Variants in ASH1L observed in about 807,000 individuals in gnomAD.
ASH1L encodes ASH1 like histone lysine methyltransferase, also known as histone-lysine N-methyltransferase ASH1L.
In ASH1L, 23 loss-of-function variants were observed where a neutral mutation model predicts 269.0. The observed-to-expected ratio is 0.09, with a 90% CI of 0.06 to 0.12. The LOEUF (loss-of-function observed/expected upper bound fraction) is 0.12. ASH1L is among the 10% of genes least tolerant of loss of function. ASH1L has a pLI of 1.00. For missense variants in ASH1L, 2,912 were observed against 3,567.8 expected (o/e 0.82, Z 4.68); for synonymous variants, 1,187 against 1,253.5 (o/e 0.95, Z 1.12).
chr1:155,443,515 T>C (rs982330092), intron 4 of ASH1L, among the ~76,000 whole-genome samples: 3 of 152,228 alleles, frequency 2.0e-5, no homozygotes, highest in Non-Finnish European at 4.4e-5. Context: ...AAATTTACCA[T>C]GTAGCCATCA....
intron 5 of ASH1L, among the ~76,000 whole-genome samples, chr1:155,420,829 G>A (rs1238899110): frequency 7.2e-6 from 1 of 138,638 alleles, no homozygotes; most frequent in Non-Finnish European, 1.5e-5. Flanking sequence ...TAGCCTAGGT[G>A]ACAGAGCAAG....
intron 6 of ASH1L, among the ~76,000 whole-genome samples, chr1:155,400,962 C>T (rs1658786560): frequency 6.6e-6 from 1 of 151,524 alleles, no homozygotes; most frequent in Non-Finnish European, 1.5e-5. Context: ...GAGTTTGAGA[C>T]CAGCCTTGGC....
At chr1:155,392,984 A>T (rs1286951912) in intron 7 of ASH1L, among the ~76,000 whole-genome samples, 2 of 152,036 alleles carry the variant, frequency 1.3e-5, no homozygotes, top group Admixed American at 6.6e-5. Flanking sequence ...CACCGCGTCC[A>T]GCCTTGTTCT....
intron 25 of ASH1L, 126 bp downstream of exon 25, chr1:155,341,810 T>C: frequency 1.1e-6 from 1 of 925,760 alleles, no homozygotes; most frequent in Non-Finnish European, 1.7e-6. Context: ...GAGACAGAGA[T>C]ATCCATAGTT....
At chr1:155,458,402 G>A (rs966118143) in intron 4 of ASH1L, among the ~76,000 whole-genome samples, 1 of 152,080 alleles carries the variant, frequency 6.6e-6, no homozygotes, top group Non-Finnish European at 1.5e-5. Context: ...TCTCTACTAC[G>A]TTTCCAGCCT....
chr1:155,547,000 T>C (rs1268768747), intron 1 of ASH1L, among the ~76,000 whole-genome samples: 1 of 121,182 alleles, frequency 8.3e-6, no homozygotes, highest in Non-Finnish European at 1.6e-5. Flanking sequence ...GTCACCAGGG[T>C]GGAGTGTAGT....
At chr1:155,400,760 G>C (rs1482801099) in intron 6 of ASH1L, among the ~76,000 whole-genome samples, 1 of 152,126 alleles carries the variant, frequency 6.6e-6, no homozygotes, top group East Asian at 1.9e-4. Context: ...TTCTGGAACA[G>C]ATTTATTTTG....
intron 1 of ASH1L, among the ~76,000 whole-genome samples, chr1:155,559,217 T>C (rs1044962139): frequency 2.0e-5 from 3 of 152,176 alleles, no homozygotes; most frequent in Non-Finnish European, 4.4e-5. Flanking sequence ...TTTGCCTTCT[T>C]CTCAAACCAA....
intron 16 of ASH1L, among the ~76,000 whole-genome samples, 162 bp downstream of exon 16, chr1:155,354,311 C>T (rs562950747): frequency 6.4e-4 from 98 of 152,202 alleles, no homozygotes; most frequent in Admixed American, 1.7e-3. Flanking sequence ...GGCATGGTGG[C>T]GGGCGCCTGT....
chr1:155,367,087 AG>A (rs1275739698), intron 12 of ASH1L, among the ~76,000 whole-genome samples: 1 of 138,022 alleles, frequency 7.2e-6, no homozygotes, highest in Non-Finnish European at 1.5e-5. Context: ...TCCGCCTCCC[AG>A]GTTCAAGTGA....
At chr1:155,473,760 A>C (rs1203958321) in intron 3 of ASH1L, among the ~76,000 whole-genome samples, 1 of 152,092 alleles carries the variant, frequency 6.6e-6, no homozygotes, top group African/African-American at 2.4e-5. Context: ...CTCACCTCTC[A>C]AAGTGTTGAG....
chr1:155,523,192 C>A (rs1025614108), intron 1 of ASH1L, among the ~76,000 whole-genome samples: 1 of 152,084 alleles, frequency 6.6e-6, no homozygotes, highest in Non-Finnish European at 1.5e-5. Context: ...CTTTTCATTA[C>A]AACAAGAGAG....
At chr1:155,561,948 G>A (rs1672002267) in intron 1 of ASH1L, 4 of 498,900 alleles carry the variant, frequency 8.0e-6, no homozygotes, top group Admixed American at 7.2e-5. Flanking sequence ...CCGGGAGTCT[G>A]CCTGTCAGGG....
rs1652298086 is a variant in ASH1L, at chr1:155,336,204, G to C, written c.*1456C>G. ...TTTAATGGAATGGAAGGTGGTCAAT[G>C]TGTCTACCTAAACGAGTCAGAGCAT... On this transcript the variant is annotated 3_prime_UTR_variant, in exon 28 of 28. Coordinates refer to ENST00000392403, the MANE Select transcript of ASH1L (RefSeq NM_018489.3). 1 of 152,620 alleles carries C rather than the reference G, an allele frequency of 6.6e-6. No individual in the cohort carries two copies. The highest frequency in any genetic ancestry group is 6.6e-5 in the Admixed American group (1 of 15,264). The allele number at this position is 152,620 out of a possible 1,614,324, so 9.5% of individuals were successfully genotyped here.
chr1:155,433,620 A>G, intron 5 of ASH1L: 3 of 1,609,212 alleles, frequency 1.9e-6, no homozygotes, highest in Non-Finnish European at 2.5e-6. Flanking sequence ...AAAGAACTCG[A>G]ACAATTTGCC....
intron 2 of ASH1L, among the ~76,000 whole-genome samples, chr1:155,496,874 G>A (rs567832798): frequency 1.4e-4 from 22 of 151,766 alleles, no homozygotes; most frequent in Non-Finnish European, 2.4e-4. Context: ...TCAAACTCCC[G>A]GGCTCGGGCA....
chr1:155,511,682 T>C (rs1668170662), intron 2 of ASH1L, among the ~76,000 whole-genome samples: 1 of 152,140 alleles, frequency 6.6e-6, no homozygotes, highest in Non-Finnish European at 1.5e-5. Flanking sequence ...ATTTCTGTAT[T>C]TTTAGTAGAG....
chr1:155,537,741 ATT>A (rs879413851), intron 1 of ASH1L, among the ~76,000 whole-genome samples: 3,359 of 148,324 alleles, frequency 0.023, 126 homozygotes, highest in African/African-American at 0.079. Flanking sequence ...TGACAGCATG[ATT>A]TTTTTTTTTT....
chr1:155,346,898 A>C (rs1295518741), intron 20 of ASH1L, among the ~76,000 whole-genome samples: 1 of 152,228 alleles, frequency 6.6e-6, no homozygotes, highest in Non-Finnish European at 1.5e-5. Flanking sequence ...ATGCATTCAC[A>C]TATATTAGTG....
Sources: gnomAD v4.1 joint callset for allele counts (sites outside exome capture counted in the v4.1 genomes callset) on GRCh38, gnomAD v4.1.1 for gene constraint, MANE v1.5 for transcripts, NCBI Gene and HGNC (gene_info 2026-07-23, HGNC 2026-07-21) for gene names.